The following LGSN variants were observed in gnomAD, a reference collection of about 807,000 sequenced individuals.
LGSN encodes the protein lengsin.
A neutral mutation model predicts 19.5 loss-of-function variants in LGSN; 21 were observed. That is an observed-to-expected ratio of 1.07 (90% confidence interval 0.76 to 1.55). The LOEUF is 1.55. Among genes scored for constraint, LGSN ranks in the 40% most tolerant of loss-of-function variants. The probability of loss-of-function intolerance (pLI) is 0.00; values close to 1 mark genes in which losing one functional copy is unlikely to be tolerated. For synonymous variants in LGSN, 257 were observed against 215.6 expected, an observed-to-expected ratio of 1.19 and a Z score of -1.68; for missense variants, 673 against 608.5, an observed-to-expected ratio of 1.11 and a Z score of -1.12.
the LGSN span, among the ~76,000 whole-genome samples, chr6:63,416,756 C>T: frequency 1.8e-4 from 26 of 146,378 alleles, no homozygotes; most frequent in Non-Finnish European, 2.8e-4. Context: ...TTAGTAGAGA[C>T]GGGGTTTCAC....
rs187254462 is a variant in LGSN at position 63,283,942 on chromosome 6, C to T, written c.330+1645G>A. The stretch of plus-strand genomic sequence containing the variant: ...CTCAAATTCCTGACCTCAGGTGATC[C>T]GTCGGCCTCAGCGTCCCAAAGTGCT... On this transcript the variant is annotated intron_variant, in intron 3 of 3. Coordinates refer to ENST00000370657, the MANE Select transcript of LGSN (RefSeq NM_016571.3). Among the ~76,000 whole-genome samples, 585 of 152,140 alleles carry T rather than the reference C, an allele frequency of 3.8e-3. 4 individuals are homozygous for T. Among genetic ancestry groups the T allele is most frequent in the Non-Finnish European group, 4.6e-3 (316 of 68,004 alleles).
At chr6:63,542,430 A>G in the LGSN span, among the ~76,000 whole-genome samples, 1 of 152,118 alleles carries the variant, frequency 6.6e-6, no homozygotes, top group Admixed American at 6.5e-5. Flanking sequence ...TGGAAATAAA[A>G]AAAAAAACTC....
chr6:63,380,282 T>C, the LGSN span, among the ~76,000 whole-genome samples: 1 of 152,240 alleles, frequency 6.6e-6, no homozygotes, highest in South Asian at 2.1e-4. Flanking sequence ...CTTCCTCCTG[T>C]TGAATTTCTG....
At position 63,280,871 on chromosome 6, in the gene LGSN, G is replaced by T. The variant is rs145210429; in HGVS notation, c.680C>A (p.Pro227His). ...ATGGTTATTTAAAAATGTTAAAGCAGGAAAAGATATAATCTTTGAATTTAA... is the reference window on the plus strand; with the variant it reads ...ATGGTTATTTAAAAATGTTAAAGCATGAAAAGATATAATCTTTGAATTTAA... ...EILNSKIISF[P>H]ALTFLNNHDQ... Residue 227 changes from proline (P) to histidine (H), a missense_variant, in exon 4 of 4, where the codon CCT (proline) becomes CAT (histidine). Physicochemically the swap from Pro to His is moderately conservative, Grantham distance 77 (BLOSUM62 -2). Coordinates refer to ENST00000370657, the MANE Select transcript of LGSN (RefSeq NM_016571.3). 135 of 1,613,814 alleles carry T rather than the reference G, an allele frequency of 8.4e-5. No homozygotes were observed. In the African/African-American group the frequency reaches 1.6e-3, roughly 19 times the overall value.
the LGSN span, among the ~76,000 whole-genome samples, chr6:63,451,388 C>T: frequency 6.6e-6 from 1 of 152,212 alleles, no homozygotes; most frequent in Non-Finnish European, 1.5e-5. Context: ...GGTACATATA[C>T]AACATGGAAC....
the LGSN span, among the ~76,000 whole-genome samples, chr6:63,473,340 G>A: frequency 2.6e-4 from 39 of 151,824 alleles, no homozygotes; most frequent in African/African-American, 9.4e-4. Context: ...CGGGCATGGT[G>A]GTGCATGCCT....
At chr6:63,313,870 A>G (rs572317945) in intron 1 of LGSN, among the ~76,000 whole-genome samples, 121 of 149,914 alleles carry the variant, frequency 8.1e-4, no homozygotes, top group Non-Finnish European at 1.5e-3. Context: ...ATAAATAAAT[A>G]CATACATACA....
the LGSN span, among the ~76,000 whole-genome samples, chr6:63,485,344 T>C: frequency 6.6e-6 from 1 of 152,210 alleles, no homozygotes; most frequent in Non-Finnish European, 1.5e-5. Flanking sequence ...GCTCCATCCA[T>C]GTCCCTGCAA....
At chr6:63,478,468 TG>T in the LGSN span, among the ~76,000 whole-genome samples, 2 of 140,814 alleles carry the variant, frequency 1.4e-5, no homozygotes, top group African/African-American at 5.2e-5. Context: ...AATACTCCTG[TG>T]GGCCCTAGGA....
chr6:63,374,909 T>G, the LGSN span, among the ~76,000 whole-genome samples: 1 of 152,094 alleles, frequency 6.6e-6, no homozygotes, highest in Non-Finnish European at 1.5e-5. Context: ...AGTACAGTCT[T>G]GTAATAAAAG....
At chr6:63,494,992 G>T in the LGSN span, among the ~76,000 whole-genome samples, 1 of 152,030 alleles carries the variant, frequency 6.6e-6, no homozygotes, top group African/African-American at 2.4e-5. Context: ...AAAATACCAT[G>T]CATTTTATGC....
chr6:63,417,861 C>G, the LGSN span, among the ~76,000 whole-genome samples: 1 of 152,022 alleles, frequency 6.6e-6, no homozygotes, highest in South Asian at 2.1e-4. Flanking sequence ...AACCATAGAA[C>G]TGAAGATTAA....
chr6:63,460,971 AG>A, the LGSN span, among the ~76,000 whole-genome samples: 2 of 152,172 alleles, frequency 1.3e-5, no homozygotes, highest in Admixed American at 1.3e-4. Flanking sequence ...GTCTGGCATG[AG>A]GGGGCCAAGC....
At chr6:63,457,398 G>A in the LGSN span, among the ~76,000 whole-genome samples, 2 of 152,076 alleles carry the variant, frequency 1.3e-5, no homozygotes, top group Non-Finnish European at 2.9e-5. Context: ...CCAGCTACTC[G>A]GGAGGCTGAG....
the LGSN span, among the ~76,000 whole-genome samples, chr6:63,483,622 T>A: frequency 6.6e-6 from 1 of 152,072 alleles, no homozygotes; most frequent in Admixed American, 6.6e-5. Flanking sequence ...AGCTCTTTTC[T>A]TATTGTTTTC....
chr6:63,467,177 C>A, the LGSN span, among the ~76,000 whole-genome samples: 3 of 152,002 alleles, frequency 2.0e-5, no homozygotes, highest in Non-Finnish European at 4.4e-5. Flanking sequence ...ATCAGGAATT[C>A]ATTTGAATTG....
At chr6:63,541,813 T>A in the LGSN span, among the ~76,000 whole-genome samples, 2 of 152,266 alleles carry the variant, frequency 1.3e-5, no homozygotes, top group East Asian at 3.9e-4. Context: ...CCAACCTCCT[T>A]ACACCCTTAA....
At chr6:63,301,913 C>T (rs530237174) in intron 1 of LGSN, among the ~76,000 whole-genome samples, 190 of 152,152 alleles carry the variant, frequency 1.2e-3, no homozygotes, top group Non-Finnish European at 2.2e-3. Context: ...ATTATTTTGC[C>T]GTAATCTGTG....
chr6:63,403,620 A>T, the LGSN span, among the ~76,000 whole-genome samples: 90 of 152,338 alleles, frequency 5.9e-4, no homozygotes, highest in Non-Finnish European at 1.1e-3. Context: ...AATACAATTG[A>T]TAAAACTCTA....
Sources: gnomAD v4.1 joint callset for allele counts (sites outside exome capture counted in the v4.1 genomes callset) on GRCh38, gnomAD v4.1.1 for gene constraint, MANE v1.5 for transcripts, NCBI Gene and HGNC (gene_info 2026-07-23, HGNC 2026-07-21) for gene names.